Variants in LCORL observed in about 807,000 individuals in gnomAD.
LCORL encodes the protein ligand-dependent nuclear receptor corepressor-like protein.
In LCORL, 41 loss-of-function variants were observed where a neutral mutation model predicts 141.8. The ratio of observed to expected loss-of-function variants is 0.29; its 90% CI spans 0.23 to 0.38. The LOEUF (loss-of-function observed/expected upper bound fraction) is 0.38, where lower values mean the gene tolerates loss of function less well. Among genes scored for constraint, LCORL ranks in the 10% least tolerant of loss-of-function variants. The probability of loss-of-function intolerance (pLI) is 1.00; values close to 1 mark genes in which losing one functional copy is unlikely to be tolerated. For missense variants in LCORL, 1,759 were observed against 2,035.0 expected (o/e 0.86, Z 2.61); for synonymous variants, 618 against 694.1 (o/e 0.89, Z 1.72).
chr4:17,950,153 C>A (rs1230475554), intron 4 of LCORL, among the ~76,000 whole-genome samples: 1 of 151,946 alleles, frequency 6.6e-6, no homozygotes, highest in Non-Finnish European at 1.5e-5. Context: ...AACTCAAGAG[C>A]CCTTAAAGTA....
At chr4:17,902,265 T>C (rs575237110) in intron 5 of LCORL, among the ~76,000 whole-genome samples, 26 of 152,212 alleles carry the variant, frequency 1.7e-4, no homozygotes, top group African/African-American at 6.3e-4. Context: ...CAGGAGAGCG[T>C]AGGCCTAGAT....
chr4:17,916,401 A>C (rs1306324117), intron 4 of LCORL, among the ~76,000 whole-genome samples: 3 of 152,080 alleles, frequency 2.0e-5, no homozygotes, highest in Non-Finnish European at 4.4e-5. Flanking sequence ...CTCATGAATG[A>C]CTTAGCCCCA....
At chr4:17,964,918 T>C (rs971495404) in intron 2 of LCORL, among the ~76,000 whole-genome samples, 1 of 151,362 alleles carries the variant, frequency 6.6e-6, no homozygotes, top group East Asian at 1.9e-4. Flanking sequence ...TTTTGGAAAA[T>C]AGCTTGTAGG....
chr4:18,002,919 TG>T (rs1229366560), intron 1 of LCORL, among the ~76,000 whole-genome samples: 1 of 152,176 alleles, frequency 6.6e-6, no homozygotes, highest in East Asian at 1.9e-4. Flanking sequence ...AAACGGAATG[TG>T]GAAAGTGGCA....
At chr4:17,892,139 T>C (rs1023826542) in intron 5 of LCORL, among the ~76,000 whole-genome samples, 2 of 152,102 alleles carry the variant, frequency 1.3e-5, no homozygotes, top group Non-Finnish European at 2.9e-5. Flanking sequence ...AGTAGCACAT[T>C]ATTCCAGCCT....
chr4:17,881,927 G>A, intron 6 of LCORL: 2 of 981,686 alleles, frequency 2.0e-6, no homozygotes, highest in Non-Finnish European at 2.4e-6. Context: ...TAAAAAGAAA[G>A]ATGACCCTGA....
chr4:17,885,919 A>G (rs1314070889), intron 6 of LCORL, 149 bp downstream of exon 6: 3 of 378,496 alleles, frequency 7.9e-6, no homozygotes, highest in African/African-American at 6.3e-5. Context: ...AGAAAGGACA[A>G]ATGAAAGGTA....
At chr4:17,986,222 A>G (rs926048654) in intron 1 of LCORL, among the ~76,000 whole-genome samples, 1 of 152,142 alleles carries the variant, frequency 6.6e-6, no homozygotes. Flanking sequence ...GGAAAATGTA[A>G]TGATTACATG....
chr4:17,954,346 G>T (rs1560398369), intron 4 of LCORL, among the ~76,000 whole-genome samples: 1 of 152,114 alleles, frequency 6.6e-6, no homozygotes, highest in African/African-American at 2.4e-5. Context: ...CAAGTCTAAA[G>T]ATCCTGAGAA....
At chr4:17,938,517 A>T (rs1560372920) in intron 4 of LCORL, among the ~76,000 whole-genome samples, 2 of 150,888 alleles carry the variant, frequency 1.3e-5, no homozygotes, top group Non-Finnish European at 3.0e-5. Flanking sequence ...CCCAGGTTCA[A>T]GCAATTGTCC....
intron 2 of LCORL, among the ~76,000 whole-genome samples, chr4:17,971,073 T>C (rs941292368): frequency 3.9e-5 from 6 of 152,088 alleles, no homozygotes; most frequent in African/African-American, 1.4e-4. Flanking sequence ...AGAGTTTCAG[T>C]AAGAAAAATA....
chr4:18,014,207 T>C (rs1035413300), intron 1 of LCORL, among the ~76,000 whole-genome samples: 39 of 151,960 alleles, frequency 2.6e-4, no homozygotes, highest in African/African-American at 8.9e-4. Context: ...CAAAAGTCTA[T>C]GAAAAAGGTT....
At chr4:17,861,807 C>T (rs978885292) in intron 7 of LCORL, among the ~76,000 whole-genome samples, 1 of 152,178 alleles carries the variant, frequency 6.6e-6, no homozygotes, top group Non-Finnish European at 1.5e-5. Context: ...TTCTCAAGTT[C>T]AAAGTTCCAT....
chr4:18,014,180 A>G (rs767300818), intron 1 of LCORL, among the ~76,000 whole-genome samples: 3 of 152,152 alleles, frequency 2.0e-5, no homozygotes, highest in Non-Finnish European at 4.4e-5. Flanking sequence ...ATTTGGGGCA[A>G]TGTGGATAAA....
exon 8 of LCORL, chr4:17,845,862 A>C: frequency 6.2e-7 from 1 of 1,612,734 alleles, no homozygotes; most frequent in Non-Finnish European, 8.5e-7. Context: ...TATTCTCATC[A>C]GACACATTCA....
At chr4:17,847,726 T>G (rs941979168) in intron 7 of LCORL, among the ~76,000 whole-genome samples, 3 of 152,232 alleles carry the variant, frequency 2.0e-5, no homozygotes, top group African/African-American at 7.2e-5. Context: ...AGGGACCTCA[T>G]TTTTGTTTTT....
intron 6 of LCORL, chr4:17,882,154 T>A: frequency 1.0e-6 from 1 of 983,708 alleles, no homozygotes; most frequent in Non-Finnish European, 1.2e-6. Flanking sequence ...ATCTCTTTAG[T>A]ATTACACGTA....
At chr4:17,885,448 T>G (rs1370105404) in intron 6 of LCORL, among the ~76,000 whole-genome samples, 2 of 151,904 alleles carry the variant, frequency 1.3e-5, no homozygotes, top group African/African-American at 4.8e-5. Context: ...CCTCTAAGAT[T>G]TAAATGTGAC....
intron 7 of LCORL, among the ~76,000 whole-genome samples, chr4:17,857,425 G>T (rs1318012651): frequency 6.6e-6 from 1 of 152,180 alleles, no homozygotes; most frequent in Non-Finnish European, 1.5e-5. Context: ...TATATAGCTG[G>T]ATATAATTGA....
Sources: allele counts gnomAD v4.1 joint callset (sites outside exome capture counted in the v4.1 genomes callset), GRCh38; gene constraint gnomAD v4.1.1; transcripts MANE v1.5; gene names NCBI Gene and HGNC (gene_info 2026-07-23, HGNC 2026-07-21).